The following ACSF3 variants were observed in gnomAD, a reference collection of about 807,000 sequenced individuals.
The protein encoded by ACSF3 is acyl-CoA synthetase family member 3.
In ACSF3, 78 loss-of-function variants were observed where a neutral mutation model predicts 53.2. The ratio of observed to expected loss-of-function variants is 1.47; its 90% confidence interval spans 1.22 to 1.77. The LOEUF is 1.77. Ranked by LOEUF, ACSF3 falls within the 40% of genes most tolerant of loss-of-function variation. The pLI is 0.00. For missense variants in ACSF3, 937 were observed against 771.1 expected, an observed-to-expected ratio of 1.22 and a Z score of -2.55; for synonymous variants, 414 against 333.1, an observed-to-expected ratio of 1.24 and a Z score of -2.65.
intron 7 of ACSF3, among the ~76,000 whole-genome samples, chr16:89,129,270 T>C (rs942576386): frequency 1.3e-5 from 2 of 152,242 alleles, no homozygotes; most frequent in Admixed American, 1.3e-4. Context: ...TATAACTGCC[T>C]GTTTCTGCTT....
chr16:89,132,511 CAG>C (rs1436408856), intron 7 of ACSF3, among the ~76,000 whole-genome samples: 1 of 152,200 alleles, frequency 6.6e-6, no homozygotes. Flanking sequence ...AATAGAAGAA[CAG>C]TGAGGCTGTG....
At chr16:89,150,949 A>G (rs758439390) in intron 10 of ACSF3, 2 of 1,269,398 alleles carry the variant, frequency 1.6e-6, no homozygotes, top group Admixed American at 2.3e-5. Flanking sequence ...CAACTGTCTA[A>G]TGGGAGTTCC....
intron 8 of ACSF3, among the ~76,000 whole-genome samples, chr16:89,133,721 CAG>C (rs904664901): frequency 9.4e-4 from 144 of 152,386 alleles, no homozygotes; most frequent in African/African-American, 3.1e-3. Flanking sequence ...TTCTCCCCAC[CAG>C]AGTCAGAAGT....
At chr16:89,152,612 GAAA>G (rs1028108001) in intron 10 of ACSF3, 2 of 147,362 alleles carry the variant, frequency 1.4e-5, no homozygotes, top group Non-Finnish European at 3.0e-5. Context: ...TGTCTCAAAA[GAAA>G]AAAAAATCTA....
intron 5 of ACSF3, 186 bp from the exon 6 acceptor site, chr16:89,114,153 C>T: frequency 2.7e-6 from 2 of 732,036 alleles, no homozygotes; most frequent in Admixed American, 4.2e-5. Context: ...CGCCGTAGCG[C>T]AGACTGCAGC....
rs1912873906 is a variant in ACSF3 at position 89,145,993 on chromosome 16, G to A, written c.1557G>A (p.Val519=). The A allele has an allele frequency of 6.2e-7, 1 of 1,614,042 alleles. No individual in the cohort carries two copies. The highest frequency in any genetic ancestry group is 8.5e-7 in the Non-Finnish European group (1 of 1,179,968). ...CATGGGGCCAGCGGGTCACTGCTGT[G>A]GTGACCCTCCGAGAAGGACACTCAC... is the stretch of plus-strand genomic sequence containing the variant. The part of the protein sequence containing the change: ...DMTWGQRVTA[V]VTLREGHSLS... The change falls in exon 10 of 11, where the codon GTG becomes GTA. Residue 519 remains valine (V), a synonymous_variant. Coordinates refer to ENST00000614302, the MANE Select transcript of ACSF3 (RefSeq NM_001243279.3).
chr16:89,135,609 A>C (rs910273625), intron 8 of ACSF3, among the ~76,000 whole-genome samples: 3 of 152,184 alleles, frequency 2.0e-5, no homozygotes, highest in African/African-American at 7.2e-5. Flanking sequence ...TCTTTTTTAT[A>C]CATCCCCATT....
At chr16:89,114,778 C>T (rs761014052) in intron 6 of ACSF3, 8 of 480,420 alleles carry the variant, frequency 1.7e-5, no homozygotes, top group Admixed American at 6.2e-5. Flanking sequence ...GGAATGCAGG[C>T]GTCAGTGCAT....
intron 6 of ACSF3, among the ~76,000 whole-genome samples, chr16:89,119,317 G>T (rs1294095587): frequency 1.3e-5 from 2 of 152,340 alleles, no homozygotes; most frequent in South Asian, 2.1e-4. Context: ...GGCATCACCA[G>T]GAAGAGGCGA....
chr16:89,141,226 G>A, intron 8 of ACSF3: 1 of 1,287,246 alleles, frequency 7.8e-7, no homozygotes, highest in Non-Finnish European at 1.0e-6. Flanking sequence ...GTCCCAGCCT[G>A]GAAGAACAAA....
intron 8 of ACSF3, among the ~76,000 whole-genome samples, chr16:89,138,188 C>T (rs1053982646): frequency 5.3e-5 from 8 of 152,208 alleles, no homozygotes; most frequent in Non-Finnish European, 8.8e-5. Flanking sequence ...GCCTCTCAGC[C>T]TCCCACAGCC....
rs879437169 is a variant in ACSF3, at chr16:89,122,557, G to C, written c.1239+1644G>C. The C allele has an allele frequency of 2.6e-5, 8 of 302,772 alleles. No individual in the cohort carries two copies. In the East Asian group the frequency reaches 7.5e-4, roughly 28 times the overall value. 18.8% of individuals were successfully genotyped at this position (302,772 alleles called of 1,614,324 possible). On this transcript the variant is annotated intron_variant, in intron 7 of 10. Transcript: ENST00000614302. ...ACTCGAGGACCTCCCAGCTCAGCCA[G>C]TTCCAACCCTGTCTGCAGGGACGGG...
At chr16:89,133,072 C>T in intron 7 of ACSF3, 64 bp from the exon 8 acceptor site, 1 of 1,610,390 alleles carries the variant, frequency 6.2e-7, no homozygotes, top group Non-Finnish European at 8.5e-7. Context: ...CCCACAGTTT[C>T]AGAAAGCACC....
At chr16:89,136,607 T>G (rs939552652) in intron 8 of ACSF3, 2 of 1,286,924 alleles carry the variant, frequency 1.6e-6, no homozygotes, top group Non-Finnish European at 2.0e-6. Flanking sequence ...CAGCCAGGGA[T>G]GGCTGGACAC....
chr16:89,155,659 A>G lies in ACSF3; in HGVS notation c.*1452A>G. ...CCCAAGGGAACGGCAGTCAGAGACT[A>G]CAGTCCAGACGTTTGTGTCTAGGCC... is the stretch of plus-strand genomic sequence containing the variant. On this transcript the variant is annotated 3_prime_UTR_variant, in exon 11 of 11. Coordinates refer to ENST00000614302, the MANE Select transcript of ACSF3 (RefSeq NM_001243279.3). 2.2e-6 allele frequency: 1 copy of G among 454,142 alleles called. No homozygotes were observed. Among genetic ancestry groups the G allele is most frequent in the Non-Finnish European group, 4.4e-6 (1 of 226,778 alleles). 28.1% of individuals were successfully genotyped at this position (454,142 alleles called of 1,614,324 possible).
chr16:89,119,918 C>G (rs1381929797), intron 6 of ACSF3, among the ~76,000 whole-genome samples: 2 of 152,256 alleles, frequency 1.3e-5, no homozygotes, highest in Non-Finnish European at 2.9e-5. Flanking sequence ...TGGACTCAGA[C>G]ATGATAAGCG....
intron 10 of ACSF3, chr16:89,147,885 C>G (rs1239984602): frequency 6.6e-6 from 1 of 152,152 alleles, no homozygotes; most frequent in East Asian, 1.9e-4. Flanking sequence ...GTCCACAGTC[C>G]AAAGTCTCGT....
At chr16:89,124,493 G>C (rs1174839922) in intron 7 of ACSF3, among the ~76,000 whole-genome samples, 1 of 150,528 alleles carries the variant, frequency 6.6e-6, no homozygotes, top group East Asian at 2.0e-4. Flanking sequence ...CACACTGAGT[G>C]TGTGTTACCT....
At chr16:89,114,617 C>T (rs1362607821) in intron 6 of ACSF3, 130 bp downstream of exon 6, 14 of 1,385,274 alleles carry the variant, frequency 1.0e-5, no homozygotes, top group Non-Finnish European at 1.4e-5. Flanking sequence ...GGACAGGCCA[C>T]TCGGCCAGGA....
Sources: gnomAD v4.1 joint callset for allele counts (sites outside exome capture counted in the v4.1 genomes callset) on GRCh38, gnomAD v4.1.1 for gene constraint, MANE v1.5 for transcripts, NCBI Gene and HGNC (gene_info 2026-07-23, HGNC 2026-07-21) for gene names.